Variants in MAGI1 observed in about 807,000 individuals in gnomAD.
MAGI1 encodes the protein membrane associated guanylate kinase, WW and PDZ domain containing 1.
Under a neutral mutation model 139.9 loss-of-function variants are expected in MAGI1, and 58 were observed. The ratio of observed to expected loss-of-function variants is 0.41; its 90% CI spans 0.34 to 0.52. MAGI1 has a LOEUF of 0.52. Ranked by LOEUF, MAGI1 falls within the 20% of genes least tolerant of loss-of-function variation. The pLI, the probability that MAGI1 is intolerant of heterozygous loss-of-function variation, is 0.12. For synonymous variants in MAGI1, 812 were observed against 737.9 expected (o/e 1.10, Z -1.63); for missense variants, 1,874 against 1,901.6 (o/e 0.99, Z 0.27).
intron 2 of MAGI1, among the ~76,000 whole-genome samples, chr3:65,535,324 A>G (rs1219591322): frequency 1.3e-5 from 2 of 151,998 alleles, no homozygotes; most frequent in African/African-American, 2.4e-5. Context: ...TAACAACCTC[A>G]CTCTCCTTGT....
At chr3:65,508,574 T>G (rs1051522516) in intron 2 of MAGI1, among the ~76,000 whole-genome samples, 4 of 152,184 alleles carry the variant, frequency 2.6e-5, no homozygotes, top group Non-Finnish European at 5.9e-5. Context: ...GTGCTTTGCC[T>G]TCTAAGACAG....
At chr3:65,694,440 C>A (rs1288329132) in intron 1 of MAGI1, among the ~76,000 whole-genome samples, 1 of 137,274 alleles carries the variant, frequency 7.3e-6, no homozygotes, top group East Asian at 2.4e-4. Context: ...GTAGTAAGTG[C>A]TAAAAAAAAT....
At chr3:65,592,832 T>C (rs1452219190) in intron 2 of MAGI1, among the ~76,000 whole-genome samples, 1 of 152,172 alleles carries the variant, frequency 6.6e-6, no homozygotes, top group Admixed American at 6.5e-5. Context: ...GGGAAAAACT[T>C]CCCATAGTGG....
chr3:65,611,573 C>A (rs1490502829), intron 2 of MAGI1, among the ~76,000 whole-genome samples: 3 of 135,424 alleles, frequency 2.2e-5, no homozygotes, highest in Non-Finnish European at 4.8e-5. Flanking sequence ...ATATATGACA[C>A]TATATATACT....
At chr3:66,029,159 C>A (rs570112494) in intron 1 of MAGI1, among the ~76,000 whole-genome samples, 2 of 152,294 alleles carry the variant, frequency 1.3e-5, no homozygotes, top group Non-Finnish European at 2.9e-5. Flanking sequence ...TTCACCCAAG[C>A]CAACCTTGGG....
chr3:65,354,668 A>G lies in MAGI1; in HGVS notation c.*1710T>C, dbSNP rs1486765260. The G allele has an allele frequency of 6.6e-6, 1 of 152,662 alleles. No individual in the cohort carries two copies. Among genetic ancestry groups the G allele is most frequent in the Non-Finnish European group, 1.5e-5 (1 of 68,056 alleles). The allele number at this position is 152,662 out of a possible 1,614,324, so 9.5% of individuals were successfully genotyped here. A position where few individuals can be genotyped will look rare whatever the true frequency, so the allele number is the denominator to read the frequency against. On this transcript the variant is annotated 3_prime_UTR_variant, in exon 23 of 23. Coordinates refer to ENST00000402939, the MANE Select transcript of MAGI1 (RefSeq NM_001033057.2). Reference sequence around the variant, plus strand: ...TAGTCTCCCATTTTAAAACAACTTTACATACCTGATTTAGTTTACATTAAA... The same window carrying G: ...TAGTCTCCCATTTTAAAACAACTTTGCATACCTGATTTAGTTTACATTAAA...
At chr3:65,932,536 C>G (rs1054054390) in intron 1 of MAGI1, among the ~76,000 whole-genome samples, 2 of 152,130 alleles carry the variant, frequency 1.3e-5, no homozygotes, top group Admixed American at 6.6e-5. Flanking sequence ...AAAAAAGCTC[C>G]GGGCAGCCCT....
intron 1 of MAGI1, among the ~76,000 whole-genome samples, chr3:65,815,184 A>G (rs1303701023): frequency 1.3e-5 from 2 of 152,202 alleles, no homozygotes; most frequent in Non-Finnish European, 2.9e-5. Context: ...GACTGAATAG[A>G]AGTTCCTTTC....
chr3:66,001,183 G>A (rs768712636), intron 1 of MAGI1, among the ~76,000 whole-genome samples: 11 of 152,100 alleles, frequency 7.2e-5, no homozygotes, highest in African/African-American at 2.2e-4. Context: ...CATGGTATTT[G>A]AGCTCAGTCT....
chr3:65,921,546 G>A (rs758290641), intron 1 of MAGI1, among the ~76,000 whole-genome samples: 5 of 152,186 alleles, frequency 3.3e-5, no homozygotes, highest in Middle Eastern at 3.4e-3. Flanking sequence ...CTGGCTTCAA[G>A]TGATCCTCCC....
chr3:65,604,316 T>C (rs2082629911), intron 2 of MAGI1, among the ~76,000 whole-genome samples: 1 of 152,124 alleles, frequency 6.6e-6, no homozygotes, highest in African/African-American at 2.4e-5. Flanking sequence ...TACAGCAAAG[T>C]TGTGCCTGGA....
At chr3:65,978,621 CTTTTT>C (rs373662388) in intron 1 of MAGI1, among the ~76,000 whole-genome samples, 16 of 129,160 alleles carry the variant, frequency 1.2e-4, no homozygotes, top group African/African-American at 4.1e-4. Context: ...CTCAAAATTT[CTTTTT>C]TTTTTTTTTT....
chr3:65,375,287 C>T (rs1382680129), intron 18 of MAGI1, among the ~76,000 whole-genome samples: 1 of 151,062 alleles, frequency 6.6e-6, no homozygotes, highest in African/African-American at 2.4e-5. Context: ...CTCCCGGGTT[C>T]ACACCATCCT....
intron 1 of MAGI1, among the ~76,000 whole-genome samples, chr3:66,034,598 T>A (rs1261946300): frequency 6.6e-6 from 1 of 151,938 alleles, no homozygotes; most frequent in Non-Finnish European, 1.5e-5. Flanking sequence ...ACAAACAAAA[T>A]CAAAGATGGC....
intron 1 of MAGI1, among the ~76,000 whole-genome samples, chr3:65,976,517 G>C (rs1158975700): frequency 1.3e-5 from 2 of 152,054 alleles, no homozygotes; most frequent in South Asian, 2.1e-4. Flanking sequence ...TGTAATCCCA[G>C]CTACTCAGGA....
At chr3:65,910,855 C>CTTTTTTTTTTTTTCTTTTTTTTTTTT (rs2061635253) in intron 1 of MAGI1, among the ~76,000 whole-genome samples, 1 of 59,484 alleles carries the variant, frequency 1.7e-5, no homozygotes, top group Non-Finnish European at 2.7e-5. Flanking sequence ...ACATGGTGGA[C>CTTTTTTTTTTTTTCTTTTTTTTTTTT]TTTTTTTTTT....
At chr3:65,626,467 G>A (rs565158220) in intron 1 of MAGI1, among the ~76,000 whole-genome samples, 4 of 152,116 alleles carry the variant, frequency 2.6e-5, no homozygotes, top group South Asian at 2.1e-4. Flanking sequence ...TGGGACTACA[G>A]GCATGCACCA....
At chr3:65,834,715 CT>C (rs1424061782) in intron 1 of MAGI1, among the ~76,000 whole-genome samples, 1 of 152,174 alleles carries the variant, frequency 6.6e-6, no homozygotes, top group Non-Finnish European at 1.5e-5. Context: ...TCTATTTCTT[CT>C]TTCATCTCTA....
intron 1 of MAGI1, among the ~76,000 whole-genome samples, chr3:65,920,462 T>C (rs1395644253): frequency 1.3e-5 from 2 of 152,200 alleles, no homozygotes; most frequent in Non-Finnish European, 2.9e-5. Flanking sequence ...CTTTTTAAGG[T>C]ATAATACATG....
Sources: gnomAD v4.1 joint callset for allele counts (sites outside exome capture counted in the v4.1 genomes callset) on GRCh38, gnomAD v4.1.1 for gene constraint, MANE v1.5 for transcripts, NCBI Gene and HGNC (gene_info 2026-07-23, HGNC 2026-07-21) for gene names.